CSMD3: variants seen among roughly 807,000 people sequenced by gnomAD.
CSMD3 encodes CUB and Sushi multiple domains 3.
A neutral mutation model predicts 435.2 loss-of-function variants in CSMD3; 177 were observed. The ratio of observed to expected loss-of-function variants is 0.41; its 90% CI spans 0.36 to 0.46. The LOEUF is 0.46. Among genes scored for constraint, CSMD3 ranks in the 20% least tolerant of loss-of-function variants. The pLI, the probability that CSMD3 is intolerant of heterozygous loss-of-function variation, is 0.34. For missense variants in CSMD3, 4,265 were observed against 4,504.6 expected, an observed-to-expected ratio of 0.95 and a Z score of 1.52; for synonymous variants, 1,656 against 1,520.5, an observed-to-expected ratio of 1.09 and a Z score of -2.07.
chr8:113,372,903 CG>C (rs1269315797), intron 1 of CSMD3, among the ~76,000 whole-genome samples: 6 of 146,622 alleles, frequency 4.1e-5, no homozygotes, highest in Non-Finnish European at 8.9e-5. Flanking sequence ...CACTGCAGTC[CG>C]CAGTCCGGCC....
In CSMD3 at chr8:112,636,935, C is replaced by T. The variant is rs2131581554; in HGVS notation, c.3597G>A (p.Gly1199=). 6.2e-7 allele frequency: 1 copy of T among 1,613,556 alleles called. No homozygotes were observed. The highest frequency in any genetic ancestry group is 2.2e-5 in the East Asian group (1 of 44,820). The change falls in exon 22 of 71, where the codon GGG becomes GGA. Residue 1199 remains glycine (G), a synonymous_variant. Transcript: ENST00000297405. ...ATGAGAAGGTCAGAGTGTCACCAAT[C>T]CCAAAGTTGAACCCGATTCGACTAC... The part of the protein sequence containing the change: ...QYGSRIGFNF[G]IGDTLTFSCS...
chr8:113,145,774 A>G (rs2091659309), intron 4 of CSMD3, among the ~76,000 whole-genome samples: 1 of 151,630 alleles, frequency 6.6e-6, no homozygotes, highest in African/African-American at 2.4e-5. Context: ...GAGGTACTTA[A>G]TAAAGATGTC....
chr8:112,592,562 T>A (rs7834140), intron 22 of CSMD3, among the ~76,000 whole-genome samples: 87,439 of 151,818 alleles, frequency 0.58, 25,755 homozygotes, highest in African/African-American at 0.69. Context: ...TAGGGTAATC[T>A]TTATTACCAT....
intron 12 of CSMD3, among the ~76,000 whole-genome samples, chr8:112,804,716 G>A (rs1162123700): frequency 2.0e-5 from 3 of 150,936 alleles, no homozygotes; most frequent in Non-Finnish European, 2.9e-5. Flanking sequence ...CTAGGCTGGA[G>A]TGCATTGGCG....
chr8:113,288,278 T>C (rs888373169), intron 2 of CSMD3, among the ~76,000 whole-genome samples: 1 of 151,836 alleles, frequency 6.6e-6, no homozygotes, highest in Non-Finnish European at 1.5e-5. Flanking sequence ...AGAAAACTTT[T>C]TCTTCCTGCA....
intron 11 of CSMD3, among the ~76,000 whole-genome samples, chr8:112,849,538 T>A (rs982087042): frequency 7.2e-5 from 11 of 152,010 alleles, no homozygotes; most frequent in Non-Finnish European, 1.5e-4. Context: ...GCATGTGTTT[T>A]AATCACCTGG....
chr8:113,329,063 A>G (rs906827739), intron 1 of CSMD3, among the ~76,000 whole-genome samples: 1 of 151,942 alleles, frequency 6.6e-6, no homozygotes, highest in South Asian at 2.1e-4. Context: ...TGTTTTCAAC[A>G]AAAATTATGA....
chr8:112,652,632 A>G (rs988738626), intron 18 of CSMD3, among the ~76,000 whole-genome samples: 1 of 152,210 alleles, frequency 6.6e-6, no homozygotes, highest in African/African-American at 2.4e-5. Context: ...AGGAGTCACA[A>G]AATAAGTCTA....
intron 1 of CSMD3, among the ~76,000 whole-genome samples, chr8:113,417,150 G>T (rs561602023): frequency 1.4e-4 from 22 of 151,910 alleles, no homozygotes; most frequent in Admixed American, 1.4e-3. Context: ...AAAGCATGTC[G>T]CACTATAACT....
intron 32 of CSMD3, among the ~76,000 whole-genome samples, chr8:112,422,566 C>A (rs1288353960): frequency 6.6e-6 from 1 of 152,130 alleles, no homozygotes; most frequent in African/African-American, 2.4e-5. Context: ...TGCCCTTGAA[C>A]ATGCTACTAA....
chr8:112,892,926 T>G (rs1327640253), intron 10 of CSMD3, among the ~76,000 whole-genome samples: 1 of 151,486 alleles, frequency 6.6e-6, no homozygotes, highest in Non-Finnish European at 1.5e-5. Context: ...CCCAGAATCG[T>G]AACTGGCAAA....
chr8:113,230,881 C>A (rs1487998194), intron 3 of CSMD3, among the ~76,000 whole-genome samples: 1 of 151,386 alleles, frequency 6.6e-6, no homozygotes, highest in African/African-American at 2.4e-5. Context: ...TATAATAATA[C>A]TAATTGTGTC....
intron 33 of CSMD3, 54 bp from the exon 34 acceptor site, chr8:112,408,467 C>T (rs1212543093): frequency 7.5e-6 from 8 of 1,061,940 alleles, no homozygotes; most frequent in Non-Finnish European, 1.2e-5. Context: ...TTCAGTAAAC[C>T]TAACAAATTA....
chr8:112,947,693 C>G, intron 9 of CSMD3, 97 bp downstream of exon 9: 1 of 658,136 alleles, frequency 1.5e-6, no homozygotes, highest in Non-Finnish European at 2.7e-6. Flanking sequence ...TTTGATGCCA[C>G]TAAGACTTCA....
At chr8:112,256,910 T>A (rs985683159) in intron 61 of CSMD3, among the ~76,000 whole-genome samples, 2 of 152,002 alleles carry the variant, frequency 1.3e-5, no homozygotes, top group East Asian at 1.9e-4. Context: ...GTACAAGAGA[T>A]CGACCACAAC....
intron 3 of CSMD3, among the ~76,000 whole-genome samples, chr8:113,274,492 T>C (rs2093554325): frequency 1.3e-5 from 2 of 152,058 alleles, no homozygotes; most frequent in African/African-American, 2.4e-5. Context: ...TTCAAGCAAA[T>C]TGACATCAGT....
At chr8:112,991,225 AAT>A (rs145732018) in intron 6 of CSMD3, among the ~76,000 whole-genome samples, 6 of 150,536 alleles carry the variant, frequency 4.0e-5, no homozygotes, top group East Asian at 1.9e-4. Context: ...TGCTGAATTA[AAT>A]ATATATATAT....
In CSMD3 at chr8:112,341,679, A is replaced by T. The variant is rs764531991; in HGVS notation, c.6450T>A (p.His2150Gln). Residue 2150 changes from histidine to glutamine, a missense_variant, in exon 42 of 71, where the codon CAT becomes CAA. This residue lies in a region of CSMD3 where 3,255 missense variants were observed against 3,380.2 expected (regional missense o/e 0.96). Transcript: ENST00000297405. Reference protein sequence around the residue: ...TINLPIGFGVHLQFVNFSTET... With the variant: ...TINLPIGFGVQLQFVNFSTET... ...CTGTAGAAAAATTTACAAACTGGAG[A>T]TGTACACCTGAAGAAGAAAACAAAC... 1 of 1,593,854 alleles carries T rather than the reference A, an allele frequency of 6.3e-7. No homozygotes were observed. The highest frequency in any genetic ancestry group is 1.1e-5 in the South Asian group (1 of 90,616).
rs1452355214 is a variant in CSMD3 at position 113,001,884 on chromosome 8, T to C, written c.1030+17183A>G. Among the ~76,000 whole-genome samples the C allele has an allele frequency of 4.6e-5, 7 of 152,090 alleles. No individual in the cohort carries two copies. In the Middle Eastern group the frequency reaches 0.017, roughly 370 times the overall value. On this transcript the variant is annotated intron_variant, in intron 6 of 70. Transcript: ENST00000297405. ...CCATCCTGTCCCTTAGCAAAGTACA[T>C]AGTACATTGTTAGTAAACTTTTGTT...
Sources: gnomAD v4.1 joint callset for allele counts (sites outside exome capture counted in the v4.1 genomes callset) on GRCh38, gnomAD v4.1.1 for gene constraint, gnomAD v4.1.1 regional missense constraint, MANE v1.5 for transcripts, NCBI Gene and HGNC (gene_info 2026-07-23, HGNC 2026-07-21) for gene names.